Variants in RNF216 observed in about 807,000 individuals in gnomAD.
RNF216 encodes the protein E3 ubiquitin-protein ligase RNF216.
A neutral mutation model predicts 110.8 loss-of-function variants in RNF216; 72 were observed. The observed-to-expected ratio is 0.65, with a 90% CI of 0.54 to 0.79. The LOEUF (loss-of-function observed/expected upper bound fraction) is 0.79. RNF216 is among the 30% of genes least tolerant of loss of function. RNF216 has a pLI of 0.00. For missense variants in RNF216, 1,342 were observed against 1,141.2 expected (o/e 1.18, Z -2.54); for synonymous variants, 495 against 407.5 (o/e 1.21, Z -2.59).
At chr7:5,737,045 G>C (rs1416094209) in intron 5 of RNF216, among the ~76,000 whole-genome samples, 1 of 152,270 alleles carries the variant, frequency 6.6e-6, no homozygotes, top group Non-Finnish European at 1.5e-5. Flanking sequence ...TATTGAGAAC[G>C]GGCCATGATG....
chr7:5,624,775 C>T lies in RNF216; in HGVS notation c.2383-650G>A, dbSNP rs932391802. Reference sequence around the variant, plus strand: ...GGTTATCCAAGCCTCAGACACGAACCGAAGAGGCACTGTGAGTGCAGGCAG... The same window carrying T: ...GGTTATCCAAGCCTCAGACACGAACTGAAGAGGCACTGTGAGTGCAGGCAG... On this transcript the variant is annotated intron_variant, in intron 15 of 16. Coordinates refer to ENST00000389902, the MANE Select transcript of RNF216 (RefSeq NM_207111.4). This position sits in a 1 kb window ranked among gnomAD's most constrained non-coding sequence, Gnocchi z 4.4. Among the ~76,000 whole-genome samples, 4 of 152,320 alleles carry T rather than the reference C, an allele frequency of 2.6e-5. No individual in the cohort carries two copies. The highest frequency in any genetic ancestry group is 6.5e-5 in the Admixed American group (1 of 15,308).
chr7:5,739,412 T>C, intron 4 of RNF216, 60 bp from the exon 5 acceptor site: 1 of 1,517,186 alleles, frequency 6.6e-7, no homozygotes, highest in Non-Finnish European at 9.1e-7. Flanking sequence ...CAAATGGCAA[T>C]ACAAGACAGA....
At chr7:5,647,457 C>T (rs1788124242) in intron 14 of RNF216, among the ~76,000 whole-genome samples, 1 of 151,560 alleles carries the variant, frequency 6.6e-6, no homozygotes, top group Admixed American at 6.6e-5. Context: ...CCTCAGCCTC[C>T]CAAGTAGCTG....
chr7:5,623,196 GA>G lies in RNF216; in HGVS notation c.2453-18del. 1 of 1,529,722 alleles carries G rather than the reference GA, an allele frequency of 6.5e-7. No homozygotes were observed. Among genetic ancestry groups the G allele is most frequent in the Non-Finnish European group, 8.8e-7 (1 of 1,134,030 alleles). The allele number at this position is 1,529,722 out of a possible 1,614,324, so 94.8% of individuals were successfully genotyped here. On this transcript the variant is annotated intron_variant, in intron 16 of 16. Coordinates refer to ENST00000389902, the MANE Select transcript of RNF216 (RefSeq NM_207111.4). ...AGGTGTTCTCTGAAAGGGATGTGGG[GA>G]TTAGTGGAGAAAAACATTAAACCAA...
chr7:5,676,293 C>T (rs1235085936), intron 13 of RNF216, among the ~76,000 whole-genome samples: 5 of 152,238 alleles, frequency 3.3e-5, no homozygotes, highest in Admixed American at 6.5e-5. Context: ...CATTGACCAC[C>T]GCGGCCAGCC....
chr7:5,686,767 C>T lies in RNF216; in HGVS notation c.2061+24994G>A, dbSNP rs138276508. Reference sequence around the variant, plus strand: ...CATTTTTGGTCCTAGGAACCAGTTTCGTGGAAGACTATTTTTCCACGGACA... The same window carrying T: ...CATTTTTGGTCCTAGGAACCAGTTTTGTGGAAGACTATTTTTCCACGGACA... On this transcript the variant is annotated intron_variant, in intron 13 of 16. Transcript: ENST00000389902. Among the ~76,000 whole-genome samples, 4 of 152,338 alleles carry T rather than the reference C, an allele frequency of 2.6e-5. No homozygotes were observed. In the South Asian group the frequency reaches 6.2e-4, roughly 24 times the overall value.
chr7:5,621,809 G>T lies in RNF216; in HGVS notation c.*1051C>A. 1 of 152,986 alleles carries T rather than the reference G, an allele frequency of 6.5e-6. No homozygotes were observed. The allele number at this position is 152,986 out of a possible 1,614,324, so 9.5% of individuals were successfully genotyped here. A position where few individuals can be genotyped will look rare whatever the true frequency, so the allele number is the denominator to read the frequency against. Reference sequence around the variant, plus strand: ...AGAAACCCAGGGCCGGACAGGAGGCGAGGAGGGTGAGTGGGGACATGGCAG... The same window carrying T: ...AGAAACCCAGGGCCGGACAGGAGGCTAGGAGGGTGAGTGGGGACATGGCAG... On this transcript the variant is annotated 3_prime_UTR_variant, in exon 17 of 17. Coordinates refer to ENST00000389902, the MANE Select transcript of RNF216 (RefSeq NM_207111.4).
chr7:5,687,394 C>CAAAAA lies in RNF216; in HGVS notation c.2061+24362_2061+24366dup, dbSNP rs372177142. On this transcript the variant is annotated intron_variant, in intron 13 of 16. Transcript: ENST00000389902. ...GGGCAACAAGAGTGAAACTCCACCT[C>CAAAAA]AAAAAAAAAAAAAAAAAAAAGAAAA... 5.1e-3 allele frequency among the ~76,000 whole-genome samples: 252 copies of CAAAAA among 49,738 alleles called. 5 individuals are homozygous for CAAAAA. The highest frequency in any genetic ancestry group is 0.013 in the African/African-American group (210 of 16,086). The allele number at this position is 49,738 out of a possible 152,430, so 32.6% of individuals were successfully genotyped here.
At chr7:5,710,731 C>T (rs1393275897) in intron 13 of RNF216, among the ~76,000 whole-genome samples, 1 of 152,196 alleles carries the variant, frequency 6.6e-6, no homozygotes, top group Non-Finnish European at 1.5e-5. Context: ...TCTCCATCTC[C>T]ACTCCACTCC....
chr7:5,723,757 T>C (rs754909394), intron 8 of RNF216, among the ~76,000 whole-genome samples: 6 of 152,148 alleles, frequency 3.9e-5, no homozygotes, highest in Non-Finnish European at 7.3e-5. Context: ...GTCTCACTCT[T>C]TGAGTCAAGC....
intron 1 of RNF216, among the ~76,000 whole-genome samples, chr7:5,772,297 G>A (rs753087602): frequency 1.3e-5 from 2 of 152,158 alleles, no homozygotes; most frequent in African/African-American, 4.8e-5. Flanking sequence ...AGTAGTAACA[G>A]CAGAATAGTC....
At position 5,729,690 on chromosome 7, in the gene RNF216, A is replaced by G. The variant is rs1793974853; in HGVS notation, c.1225-94T>C. 2.5e-5 allele frequency: 27 copies of G among 1,092,838 alleles called. No homozygotes were observed. In the South Asian group the frequency reaches 4.1e-4, roughly 16 times the overall value. The allele number at this position is 1,092,838 out of a possible 1,614,324, so 67.7% of individuals were successfully genotyped here. On this transcript the variant is annotated intron_variant, in intron 6 of 16. Coordinates refer to ENST00000389902, the MANE Select transcript of RNF216 (RefSeq NM_207111.4). ...AAGAATTACATGTGTAGAAAAGAAT[A>G]ACATTTGTTCTAATTACTCTATAAG...
chr7:5,631,937 C>A (rs796656309), intron 15 of RNF216, among the ~76,000 whole-genome samples: 11 of 152,210 alleles, frequency 7.2e-5, no homozygotes, highest in African/African-American at 2.7e-4. Flanking sequence ...CCCTTCTCCA[C>A]GCCACGGGAG....
intron 9 of RNF216, among the ~76,000 whole-genome samples, chr7:5,717,984 T>C (rs1793170504): frequency 6.6e-6 from 1 of 152,038 alleles, no homozygotes; most frequent in African/African-American, 2.4e-5. Context: ...GGTCTGCTAC[T>C]ATCTGGATAA....
intron 13 of RNF216, among the ~76,000 whole-genome samples, chr7:5,706,435 G>A (rs1240924347): frequency 1.3e-5 from 2 of 152,128 alleles, no homozygotes; most frequent in African/African-American, 4.8e-5. Context: ...GTGTTTCTAT[G>A]AGTCTGACTA....
intron 15 of RNF216, among the ~76,000 whole-genome samples, chr7:5,627,691 G>A (rs1786796808): frequency 6.6e-6 from 1 of 151,674 alleles, no homozygotes; most frequent in Non-Finnish European, 1.5e-5. Context: ...AGGTTGCAGT[G>A]AGCCGAGATC....
chr7:5,714,086 C>G (rs2128631194), intron 11 of RNF216, among the ~76,000 whole-genome samples: 1 of 152,156 alleles, frequency 6.6e-6, no homozygotes, highest in East Asian at 1.9e-4. Flanking sequence ...CACTAAGCCT[C>G]CCGAGTAGCT....
intron 11 of RNF216, among the ~76,000 whole-genome samples, chr7:5,713,701 GGAAT>G (rs1414197942): frequency 6.6e-6 from 1 of 152,134 alleles, no homozygotes; most frequent in Non-Finnish European, 1.5e-5. Flanking sequence ...TCAGACATGA[GGAAT>G]GCTTCCCACA....
At chr7:5,706,851 T>C (rs1219411074) in intron 13 of RNF216, among the ~76,000 whole-genome samples, 2 of 152,226 alleles carry the variant, frequency 1.3e-5, no homozygotes, top group East Asian at 1.9e-4. Context: ...CCAAGACTGA[T>C]GTCATGAAGC....
Sources: gnomAD v4.1 joint callset for allele counts (sites outside exome capture counted in the v4.1 genomes callset) on GRCh38, gnomAD v4.1.1 for gene constraint, Gnocchi (gnomAD v3.1) non-coding constraint, MANE v1.5 for transcripts, NCBI Gene and HGNC (gene_info 2026-07-23, HGNC 2026-07-21) for gene names.